SLC44A1: variants seen among roughly 807,000 people sequenced by gnomAD.
SLC44A1 encodes choline transporter-like protein 1.
In SLC44A1, 26 loss-of-function variants were observed where a neutral mutation model predicts 79.3. The observed-to-expected ratio is 0.33, with a 90% confidence interval of 0.24 to 0.46. The LOEUF (loss-of-function observed/expected upper bound fraction) is 0.46. Among genes scored for constraint, SLC44A1 ranks in the 20% least tolerant of loss-of-function variants. SLC44A1 has a pLI of 1.00. For missense variants in SLC44A1, 688 were observed against 798.1 expected (o/e 0.86, Z 1.66); for synonymous variants, 263 against 286.2 (o/e 0.92, Z 0.82).
At chr9:105,309,307 T>G (rs995051841) in intron 2 of SLC44A1, among the ~76,000 whole-genome samples, 3 of 152,226 alleles carry the variant, frequency 2.0e-5, no homozygotes, top group Non-Finnish European at 4.4e-5. Context: ...TGATCTTTAC[T>G]AGCTTTGATG....
At position 105,356,216 on chromosome 9, in the gene SLC44A1, C is replaced by T. The variant is rs758820837; in HGVS notation, c.505C>T (p.Pro169Ser). 3.1e-6 allele frequency: 5 copies of T among 1,611,878 alleles called. No homozygotes were observed. The Admixed American group carries it at 5.0e-5, about 16-fold the overall frequency. ...TTTTTTTTCTTGTGTCACCAGTGCA[C>T]CTATTCCATTCTTCCATCGCTGTGC... ...CPKLPVPASA[P>S]IPFFHRCAPV... Residue 169 changes from proline (P) to serine (S), a missense_variant, in exon 6 of 16, where the codon CCT (proline) becomes TCT (serine). Coordinates refer to ENST00000374720, the MANE Select transcript of SLC44A1 (RefSeq NM_080546.5).
chr9:105,289,520 T>A (rs1372194798), intron 1 of SLC44A1, among the ~76,000 whole-genome samples: 2 of 152,186 alleles, frequency 1.3e-5, no homozygotes, highest in East Asian at 3.9e-4. Flanking sequence ...ATTTACATAG[T>A]GTGCTGTAGA....
chr9:105,404,944 A>G (rs1008260888), intron 15 of SLC44A1, among the ~76,000 whole-genome samples: 2 of 152,214 alleles, frequency 1.3e-5, no homozygotes, highest in Non-Finnish European at 2.9e-5. Flanking sequence ...CAGATATTTA[A>G]TGAGTACCTA....
chr9:105,374,878 C>T, intron 13 of SLC44A1, 143 bp downstream of exon 13: 1 of 627,394 alleles, frequency 1.6e-6, no homozygotes, highest in South Asian at 2.0e-5. Flanking sequence ...GTGTGTCCAG[C>T]ATTGTGATAA....
At chr9:105,338,488 C>T (rs985648166) in intron 4 of SLC44A1, among the ~76,000 whole-genome samples, 1 of 152,102 alleles carries the variant, frequency 6.6e-6, no homozygotes, top group East Asian at 1.9e-4. Flanking sequence ...AATCATGATT[C>T]ATTGCAGCCT....
chr9:105,411,452 A>ATGTGTGTG (rs143819316), intron 15 of SLC44A1, among the ~76,000 whole-genome samples: 82 of 127,610 alleles, frequency 6.4e-4, no homozygotes, highest in African/African-American at 8.4e-4. Context: ...CTCTCTGTGT[A>ATGTGTGTG]TGTGTGTGTG....
chr9:105,437,423 C>A, intron 15 of SLC44A1, among the ~76,000 whole-genome samples: 1 of 151,748 alleles, frequency 6.6e-6, no homozygotes, highest in South Asian at 2.1e-4. Flanking sequence ...AGATAAGTAT[C>A]TAGACAGATT....
intron 10 of SLC44A1, among the ~76,000 whole-genome samples, chr9:105,365,196 C>A (rs1827901815): frequency 6.6e-6 from 1 of 152,078 alleles, no homozygotes; most frequent in Non-Finnish European, 1.5e-5. Context: ...TTCTGATGAC[C>A]CCATAAGTAT....
intron 15 of SLC44A1, among the ~76,000 whole-genome samples, chr9:105,420,861 CAAAAAAAAAAAAAAA>C (rs34053627): frequency 3.2e-4 from 4 of 12,470 alleles, no homozygotes; most frequent in African/African-American, 6.4e-4. Context: ...AACTCCATCT[CAAAAAAAAAAAAAAA>C]AAAAAAAAAA....
chr9:105,361,542 T>C (rs1827780594), intron 8 of SLC44A1, among the ~76,000 whole-genome samples: 1 of 152,230 alleles, frequency 6.6e-6, no homozygotes. Context: ...TTCTACCCTG[T>C]CTGCTTTTTG....
At position 105,335,597 on chromosome 9, in the gene SLC44A1, T is replaced by C. The variant is rs759325649; in HGVS notation, c.304T>C (p.Leu102=). 3 of 1,613,550 alleles carry C rather than the reference T, an allele frequency of 1.9e-6. No homozygotes were observed. In the Admixed American group the frequency reaches 5.0e-5, roughly 27 times the overall value. ...CTTTTTGGATCCATGCAACCTGGAC[T>C]TGATAAACCGGAAGATTAAGTCTGT... The part of the protein sequence containing the change: ...VFFLDPCNLD[L]INRKIKSVAL... Residue 102 remains leucine, a synonymous_variant, in exon 4 of 16, where the codon TTG becomes CTG. Coordinates refer to ENST00000374720, the MANE Select transcript of SLC44A1 (RefSeq NM_080546.5).
intron 15 of SLC44A1, among the ~76,000 whole-genome samples, chr9:105,430,989 T>C (rs1829385357): frequency 1.3e-5 from 2 of 152,218 alleles, no homozygotes; most frequent in South Asian, 4.1e-4. Context: ...TATCTCAGTG[T>C]GGTTTTGTTT....
intron 1 of SLC44A1, among the ~76,000 whole-genome samples, chr9:105,291,438 A>T (rs534686556): frequency 1.3e-5 from 2 of 152,354 alleles, no homozygotes; most frequent in East Asian, 3.9e-4. Flanking sequence ...AGTGACTATT[A>T]TAGTGGCTTT....
At chr9:105,246,374 T>TTC (rs1491378508) in intron 1 of SLC44A1, among the ~76,000 whole-genome samples, 24 of 92,236 alleles carry the variant, frequency 2.6e-4, no homozygotes, top group Non-Finnish European at 3.6e-4. Context: ...TCCTCCAGTC[T>TTC]TTTTTTTTTT....
intron 1 of SLC44A1, chr9:105,294,684 T>C (rs979587247): frequency 6.6e-6 from 1 of 152,072 alleles, no homozygotes; most frequent in Admixed American, 6.6e-5. Context: ...TGGGATTCTC[T>C]GAACTTCTTG....
Position 105,392,357 on chromosome 9 carries a change from T to C in SLC44A1, c.*3301T>C, listed in dbSNP as rs1828779633. 3.0e-6 allele frequency: 3 copies of C among 984,146 alleles called. No homozygotes were observed. The South Asian group carries it at 1.4e-4, about 46-fold the overall frequency. 61.0% of individuals were successfully genotyped at this position (984,146 alleles called of 1,614,324 possible). Reference sequence around the variant, plus strand: ...ACTTACTGAGTTTATTTTAAAGTTATGCTAGAAATGTTTTTCTTTTGTAGA... The same window carrying C: ...ACTTACTGAGTTTATTTTAAAGTTACGCTAGAAATGTTTTTCTTTTGTAGA... On this transcript the variant is annotated 3_prime_UTR_variant, in exon 16 of 16. Transcript: ENST00000374720.
intron 3 of SLC44A1, among the ~76,000 whole-genome samples, chr9:105,330,041 G>C (rs1458976840): frequency 6.6e-6 from 1 of 152,156 alleles, no homozygotes. Context: ...TATATTTTAT[G>C]AATTTGGTAT....
intron 15 of SLC44A1, among the ~76,000 whole-genome samples, chr9:105,417,455 G>A (rs1829186345): frequency 6.6e-6 from 1 of 152,096 alleles, no homozygotes; most frequent in South Asian, 2.1e-4. Flanking sequence ...ACTTATCATG[G>A]TCTGGTGGAA....
At chr9:105,335,147 A>G (rs571359047) in intron 3 of SLC44A1, among the ~76,000 whole-genome samples, 1 of 152,168 alleles carries the variant, frequency 6.6e-6, no homozygotes, top group South Asian at 2.1e-4. Flanking sequence ...ATAATGAATG[A>G]ATTACATTTA....
Sources: gnomAD v4.1 joint callset for allele counts (sites outside exome capture counted in the v4.1 genomes callset) on GRCh38, gnomAD v4.1.1 for gene constraint, MANE v1.5 for transcripts, NCBI Gene and HGNC (gene_info 2026-07-23, HGNC 2026-07-21) for gene names.